The following TGS1 variants were observed in gnomAD, a reference collection of about 807,000 sequenced individuals.
TGS1 encodes the protein trimethylguanosine synthase 1, also known as trimethylguanosine synthase.
TGS1 carries 69 observed loss-of-function variants against 92.2 expected under a neutral mutation model. The ratio of observed to expected loss-of-function variants is 0.75; its 90% CI spans 0.62 to 0.91. TGS1 has a LOEUF of 0.91. Among genes scored for constraint, TGS1 ranks in the 40% least tolerant of loss-of-function variants. The probability of loss-of-function intolerance (pLI) is 0.00; values close to 1 mark genes in which losing one functional copy is unlikely to be tolerated. For synonymous variants in TGS1, 345 were observed against 338.1 expected, an observed-to-expected ratio of 1.02 and a Z score of -0.22; for missense variants, 1,062 against 1,001.2, an observed-to-expected ratio of 1.06 and a Z score of -0.82.
At chr8:55,802,656 TAAAA>T (rs1302802970) in intron 9 of TGS1, 50 bp downstream of exon 9, 2 of 1,523,564 alleles carry the variant, frequency 1.3e-6, no homozygotes, top group Admixed American at 2.1e-5. Context: ...ACTTCAAACT[TAAAA>T]AGAAAGTTAT....
intron 9 of TGS1, 52 bp downstream of exon 9, chr8:55,802,658 A>C: frequency 6.6e-7 from 1 of 1,523,514 alleles, no homozygotes; most frequent in Non-Finnish European, 8.9e-7. Context: ...TTCAAACTTA[A>C]AAAGAAAGTT....
At chr8:55,805,255 C>G (rs1480761258) in intron 10 of TGS1, among the ~76,000 whole-genome samples, 1 of 152,044 alleles carries the variant, frequency 6.6e-6, no homozygotes. Flanking sequence ...CAGGTTTGAA[C>G]TGTATGAGTC....
chr8:55,781,488 A>G (rs1811561553), intron 1 of TGS1, among the ~76,000 whole-genome samples: 3 of 152,216 alleles, frequency 2.0e-5, no homozygotes, highest in African/African-American at 7.2e-5. Flanking sequence ...ATATTTGCTC[A>G]TTATAACCAA....
intron 10 of TGS1, among the ~76,000 whole-genome samples, chr8:55,807,456 A>G (rs1708683764): frequency 6.6e-6 from 1 of 152,070 alleles, no homozygotes; most frequent in Admixed American, 6.5e-5. Context: ...AATGGGTTGA[A>G]GAAGTTGAAC....
At chr8:55,793,691 C>A (rs984704561) in intron 6 of TGS1, among the ~76,000 whole-genome samples, 5 of 152,074 alleles carry the variant, frequency 3.3e-5, no homozygotes, top group African/African-American at 1.2e-4. Context: ...CCTCAGCCCC[C>A]CAAGTAGCTG....
rs1282201343 is a variant in TGS1 at position 55,825,649 on chromosome 8, G to A, written c.*946G>A. ...ATTAGAGAATTGAAACAAATTTGGG[G>A]AATTTCCAATAAATACTAGAAAATT... is the stretch of plus-strand genomic sequence containing the variant. On this transcript the variant is annotated 3_prime_UTR_variant, in exon 13 of 13. Coordinates refer to ENST00000260129, the MANE Select transcript of TGS1 (RefSeq NM_024831.8). 2.0e-5 allele frequency among the ~76,000 whole-genome samples: 3 copies of A among 152,060 alleles called. No homozygotes were observed. The highest frequency in any genetic ancestry group is 4.4e-5 in the Non-Finnish European group (3 of 68,020).
intron 5 of TGS1, 85 bp from the exon 6 acceptor site, chr8:55,792,613 C>G (rs1414902573): frequency 2.2e-6 from 2 of 910,172 alleles, no homozygotes; most frequent in Non-Finnish European, 3.6e-6. Flanking sequence ...TTGCATGGGT[C>G]AATTATATTG....
intron 6 of TGS1, 152 bp from the exon 7 acceptor site, chr8:55,795,826 A>G: frequency 1.5e-6 from 1 of 673,796 alleles, no homozygotes; most frequent in Non-Finnish European, 2.5e-6. Flanking sequence ...ACTCTTCTGC[A>G]AGTTGAACTT....
chr8:55,793,935 T>TTC (rs1811967084), intron 6 of TGS1, among the ~76,000 whole-genome samples: 1 of 151,966 alleles, frequency 6.6e-6, no homozygotes, highest in Non-Finnish European at 1.5e-5. Flanking sequence ...CACATTTTGC[T>TTC]TCTCTTTGTG....
At chr8:55,793,888 G>A (rs1454048735) in intron 6 of TGS1, among the ~76,000 whole-genome samples, 1 of 151,848 alleles carries the variant, frequency 6.6e-6, no homozygotes, top group Non-Finnish European at 1.5e-5. Context: ...AAAGTGCTGG[G>A]ATTACAGGCG....
At chr8:55,776,649 C>T (rs923235177) in intron 1 of TGS1, among the ~76,000 whole-genome samples, 3 of 152,172 alleles carry the variant, frequency 2.0e-5, no homozygotes, top group Admixed American at 1.3e-4. Flanking sequence ...CAGGGTGTGG[C>T]GCCGGGCTGT....
chr8:55,779,253 T>C (rs1282329971), intron 1 of TGS1, among the ~76,000 whole-genome samples: 2 of 152,240 alleles, frequency 1.3e-5, no homozygotes, highest in Non-Finnish European at 2.9e-5. Context: ...CGGTGATGAA[T>C]GCTCTTGGAG....
At chr8:55,804,829 A>G (rs910501995) in intron 9 of TGS1, 64 bp from the exon 10 acceptor site, 14 of 1,405,502 alleles carry the variant, frequency 1.0e-5, no homozygotes, top group South Asian at 2.5e-5. Flanking sequence ...AATGTTTGCT[A>G]TGTTTATGCT....
intron 9 of TGS1, among the ~76,000 whole-genome samples, chr8:55,803,738 C>T (rs182988262): frequency 0.011 from 1,693 of 150,180 alleles, 17 homozygotes; most frequent in Non-Finnish European, 0.018. Context: ...CTGTCACCCA[C>T]GCTGGAGTAC....
intron 5 of TGS1, among the ~76,000 whole-genome samples, chr8:55,792,027 T>C (rs917798368): frequency 2.1e-4 from 32 of 152,318 alleles, no homozygotes; most frequent in Admixed American, 2.0e-3. Flanking sequence ...CTGTGCTACC[T>C]CTGTATGGTA....
At chr8:55,818,705 A>G (rs116220522) in intron 12 of TGS1, among the ~76,000 whole-genome samples, 2,007 of 152,280 alleles carry the variant, frequency 0.013, 38 homozygotes, top group African/African-American at 0.046. Flanking sequence ...AAATGCTTCT[A>G]AATATAGCTT....
chr8:55,796,268 ATTT>A (rs111385978), intron 7 of TGS1, 116 bp downstream of exon 7: 44 of 633,544 alleles, frequency 6.9e-5, no homozygotes, highest in Non-Finnish European at 9.2e-5. Context: ...AAGGTACATA[ATTT>A]TTTTTTTTTT....
intron 1 of TGS1, among the ~76,000 whole-genome samples, chr8:55,774,738 G>C (rs999681592): frequency 2.6e-5 from 4 of 152,136 alleles, no homozygotes; most frequent in African/African-American, 9.7e-5. Context: ...ATTATTACTT[G>C]GTTGATTATA....
At chr8:55,792,516 T>C (rs1298410927) in intron 5 of TGS1, among the ~76,000 whole-genome samples, 182 bp from the exon 6 acceptor site, 2 of 152,246 alleles carry the variant, frequency 1.3e-5, no homozygotes, top group Non-Finnish European at 2.9e-5. Flanking sequence ...CCTGGGTACT[T>C]ACCTTATTTG....
Sources: gnomAD v4.1 joint callset for allele counts (sites outside exome capture counted in the v4.1 genomes callset) on GRCh38, gnomAD v4.1.1 for gene constraint, MANE v1.5 for transcripts, NCBI Gene and HGNC (gene_info 2026-07-23, HGNC 2026-07-21) for gene names.